The following GPHN variants were observed in gnomAD, a reference collection of about 807,000 sequenced individuals.
GPHN encodes the protein gephyrin.
Under a neutral mutation model 95.5 loss-of-function variants are expected in GPHN, and 17 were observed. That is an observed-to-expected ratio of 0.18 (90% confidence interval 0.12 to 0.27). GPHN has a LOEUF of 0.27. Among genes scored for constraint, GPHN ranks in the 10% least tolerant of loss-of-function variants. The probability of loss-of-function intolerance (pLI) is 1.00; values close to 1 mark genes in which losing one functional copy is unlikely to be tolerated. For missense variants in GPHN, 660 were observed against 978.1 expected (o/e 0.67, Z 4.34); for synonymous variants, 320 against 322.5 (o/e 0.99, Z 0.08).
At chr14:67,159,639 C>A (rs1465619642) in intron 19 of GPHN, 151 bp downstream of exon 19, 1 of 686,068 alleles carries the variant, frequency 1.5e-6, no homozygotes. Context: ...TGCACAAGTG[C>A]AGGTTCTAAT....
At chr14:66,611,263 C>T (rs1305678309) in intron 1 of GPHN, among the ~76,000 whole-genome samples, 2 of 152,040 alleles carry the variant, frequency 1.3e-5, no homozygotes, top group African/African-American at 2.4e-5. Context: ...CTTCTGTTCA[C>T]TAAGGTTAAT....
At chr14:67,581,716 T>C in the GPHN span, 1 of 214,250 alleles carries the variant, frequency 4.7e-6, no homozygotes, top group Non-Finnish European at 9.5e-6. Context: ...ATCCCATCCC[T>C]CCATCTCAGT....
chr14:67,437,655 AGG>A, the GPHN span, among the ~76,000 whole-genome samples: 1 of 151,824 alleles, frequency 6.6e-6, no homozygotes, highest in African/African-American at 2.4e-5. Context: ...TTGCTGGAGG[AGG>A]GGGGAGAGAG....
At chr14:66,760,872 A>G in intron 2 of GPHN, 1 of 821,328 alleles carries the variant, frequency 1.2e-6, no homozygotes, top group Non-Finnish European at 2.0e-6. Flanking sequence ...GATTGAAGAA[A>G]AAGAGCGACA....
the GPHN span, among the ~76,000 whole-genome samples, chr14:67,643,909 C>T: frequency 2.7e-5 from 4 of 148,724 alleles, no homozygotes; most frequent in African/African-American, 1.0e-4. Context: ...AACGGTCACA[C>T]CCAGGTTCCC....
chr14:67,208,100 G>A, the GPHN span: 16 of 1,501,908 alleles, frequency 1.1e-5, no homozygotes, highest in Non-Finnish European at 1.4e-5. Context: ...GGTGCTCAGT[G>A]ACGATGAATG....
chr14:66,979,885 A>G (rs1369826727), intron 9 of GPHN, among the ~76,000 whole-genome samples: 2 of 152,078 alleles, frequency 1.3e-5, no homozygotes, highest in African/African-American at 4.8e-5. Flanking sequence ...AGGTTTATTA[A>G]TTGGCCTAAT....
chr14:67,017,972 G>A (rs962654037), intron 9 of GPHN, among the ~76,000 whole-genome samples: 2 of 152,074 alleles, frequency 1.3e-5, no homozygotes, highest in Admixed American at 1.3e-4. Flanking sequence ...TTCAGATTTA[G>A]CAAATGTTTC....
chr14:66,571,697 G>A (rs2060697795), intron 1 of GPHN, among the ~76,000 whole-genome samples: 1 of 152,100 alleles, frequency 6.6e-6, no homozygotes, highest in Admixed American at 6.5e-5. Flanking sequence ...TCTAATTTCA[G>A]CTACTTGGGA....
the GPHN span, chr14:67,579,642 G>A: frequency 1.4e-6 from 2 of 1,412,398 alleles, no homozygotes; most frequent in Non-Finnish European, 1.9e-6. Context: ...TCCACCTGCT[G>A]TATCCAGACA....
chr14:67,709,402 C>T, the GPHN span, among the ~76,000 whole-genome samples: 5 of 152,238 alleles, frequency 3.3e-5, no homozygotes, highest in Non-Finnish European at 7.4e-5. Flanking sequence ...TAATCTTGAC[C>T]ATAAGATATA....
intron 1 of GPHN, among the ~76,000 whole-genome samples, chr14:66,521,569 G>C (rs556318692): frequency 6.6e-6 from 1 of 152,272 alleles, no homozygotes; most frequent in African/African-American, 2.4e-5. Context: ...AGCAGATCTG[G>C]TCTGGTGAGG....
At chr14:67,390,811 T>C in the GPHN span, 4 of 1,110,450 alleles carry the variant, frequency 3.6e-6, no homozygotes, top group Non-Finnish European at 5.6e-6. Context: ...CCTGTATCTA[T>C]GCATGTAATG....
chr14:67,141,807 A>G (rs2080474470), intron 17 of GPHN, among the ~76,000 whole-genome samples: 1 of 152,138 alleles, frequency 6.6e-6, no homozygotes, highest in Admixed American at 6.6e-5. Flanking sequence ...TAAAAATTGA[A>G]ATTATATCCT....
At chr14:67,070,635 G>C (rs1052779607) in intron 11 of GPHN, among the ~76,000 whole-genome samples, 3 of 141,590 alleles carry the variant, frequency 2.1e-5, no homozygotes, top group Non-Finnish European at 4.5e-5. Context: ...GGTGGAGGTT[G>C]TAGTGAGCTG....
chr14:66,809,375 A>G (rs895091001), intron 3 of GPHN, among the ~76,000 whole-genome samples: 1 of 152,130 alleles, frequency 6.6e-6, no homozygotes, highest in Non-Finnish European at 1.5e-5. Context: ...AATAATAATA[A>G]TAATAAAACC....
intron 2 of GPHN, among the ~76,000 whole-genome samples, chr14:66,741,968 G>A (rs1364413714): frequency 6.6e-6 from 1 of 152,180 alleles, no homozygotes; most frequent in Non-Finnish European, 1.5e-5. Context: ...ATTGGTTCCA[G>A]TGAGTCTTTC....
chr14:66,862,434 C>T (rs1256379774), intron 4 of GPHN, among the ~76,000 whole-genome samples: 1 of 152,010 alleles, frequency 6.6e-6, no homozygotes, highest in Admixed American at 6.6e-5. Flanking sequence ...CAATCTTACT[C>T]AAAGTATTCC....
intron 1 of GPHN, among the ~76,000 whole-genome samples, chr14:66,655,384 TTTTAA>T (rs1219478968): frequency 1.3e-5 from 2 of 152,298 alleles, no homozygotes; most frequent in African/African-American, 2.4e-5. Context: ...TGGCATTATA[TTTTAA>T]TTTAAAGATT....
Sources: allele counts gnomAD v4.1 joint callset (sites outside exome capture counted in the v4.1 genomes callset), GRCh38; gene constraint gnomAD v4.1.1; transcripts MANE v1.5; gene names NCBI Gene and HGNC (gene_info 2026-07-23, HGNC 2026-07-21).